The following CLMP variants were observed in gnomAD, a reference collection of about 807,000 sequenced individuals.
The protein encoded by CLMP is CXADR like cell adhesion molecule, also known as CXADR-like membrane protein.
CLMP carries 27 observed loss-of-function variants against 45.2 expected under a neutral mutation model. The observed-to-expected ratio is 0.60, with a 90% CI of 0.44 to 0.82. CLMP has a LOEUF of 0.82. CLMP is among the 40% of genes least tolerant of loss of function. CLMP has a pLI of 0.00. For synonymous variants in CLMP, 167 were observed against 171.4 expected (o/e 0.97, Z 0.20); for missense variants, 403 against 448.4 (o/e 0.90, Z 0.91).
chr11:123,106,416 TGTGTGTGTGCGCGCGC>T (rs1860553549), intron 1 of CLMP, among the ~76,000 whole-genome samples: 3 of 107,552 alleles, frequency 2.8e-5, no homozygotes, highest in African/African-American at 7.1e-5. Flanking sequence ...TGTGTGTGTG[TGTGTGTGTGCGCGCGC>T]GCGCGCGCAC....
intron 1 of CLMP, among the ~76,000 whole-genome samples, chr11:123,189,135 C>G (rs1861873192): frequency 6.6e-6 from 1 of 152,186 alleles, no homozygotes; most frequent in South Asian, 2.1e-4. Context: ...GTCATCCAAA[C>G]ACATTTCTTA....
chr11:123,087,418 A>C (rs889857989), intron 2 of CLMP, among the ~76,000 whole-genome samples: 1 of 152,206 alleles, frequency 6.6e-6, no homozygotes, highest in East Asian at 1.9e-4. Flanking sequence ...CTGAGGCAGC[A>C]GAATCACTTG....
chr11:123,135,259 C>CAAAAAAA (rs529613516), intron 1 of CLMP, among the ~76,000 whole-genome samples: 13 of 89,068 alleles, frequency 1.5e-4, no homozygotes, highest in Non-Finnish European at 1.6e-4. Context: ...GACTCCGTCT[C>CAAAAAAA]AAAAAAAAAA....
At chr11:123,075,588 C>T (rs1865729640) in intron 5 of CLMP, among the ~76,000 whole-genome samples, 1 of 151,402 alleles carries the variant, frequency 6.6e-6, no homozygotes, top group Non-Finnish European at 1.5e-5. Flanking sequence ...GGGGTTTCAC[C>T]GTGTTAGCCA....
intron 1 of CLMP, among the ~76,000 whole-genome samples, chr11:123,146,992 G>A (rs914386504): frequency 6.6e-6 from 1 of 152,042 alleles, no homozygotes; most frequent in African/African-American, 2.4e-5. Flanking sequence ...CTATATATTC[G>A]AGCTCCTGAA....
rs1473510149 is a variant in CLMP at position 123,194,896 on chromosome 11, C to T, written c.28+17G>A. On this transcript the variant is annotated intron_variant, in intron 1 of 6. Transcript: ENST00000448775. ...GCCCACGGCCATCCAAACTCCCGCC[C>T]TCCCAGAGGCACTCACCTAGCAAGA... 11 of 1,613,444 alleles carry T rather than the reference C, an allele frequency of 6.8e-6. No individual in the cohort carries two copies. In the East Asian group the frequency reaches 1.1e-4, roughly 16 times the overall value.
chr11:123,101,016 T>C (rs1168384438), intron 1 of CLMP, among the ~76,000 whole-genome samples: 1 of 152,190 alleles, frequency 6.6e-6, no homozygotes, highest in Admixed American at 6.6e-5. Context: ...AAGGAGTTCC[T>C]GCCTCCCTTA....
intron 1 of CLMP, among the ~76,000 whole-genome samples, chr11:123,182,266 C>A (rs937299746): frequency 6.6e-6 from 1 of 152,230 alleles, no homozygotes; most frequent in Admixed American, 6.5e-5. Context: ...AAGCATCCTG[C>A]GAAGAGCTGG....
At chr11:123,079,610 A>AT (rs1192306758) in intron 5 of CLMP, among the ~76,000 whole-genome samples, 1 of 151,780 alleles carries the variant, frequency 6.6e-6, no homozygotes, top group African/African-American at 2.4e-5. Flanking sequence ...TGCCCAGCTA[A>AT]TTTTTTGTGT....
intron 1 of CLMP, among the ~76,000 whole-genome samples, chr11:123,177,028 G>A (rs1040497220): frequency 6.6e-5 from 10 of 152,162 alleles, no homozygotes; most frequent in African/African-American, 2.4e-4. Flanking sequence ...GAATACGTGT[G>A]AATCATCACA....
intron 1 of CLMP, among the ~76,000 whole-genome samples, chr11:123,128,177 A>G (rs1860927626): frequency 6.6e-6 from 1 of 151,606 alleles, no homozygotes; most frequent in African/African-American, 2.4e-5. Context: ...GTATCATTTC[A>G]GGAGATGAAG....
At chr11:123,102,585 T>C (rs1250477660) in intron 1 of CLMP, among the ~76,000 whole-genome samples, 2 of 150,580 alleles carry the variant, frequency 1.3e-5, no homozygotes, top group East Asian at 2.0e-4. Context: ...AGCCAGGTTT[T>C]TTTTTTTTTT....
intron 1 of CLMP, 35 bp from the exon 2 acceptor site, chr11:123,097,987 G>C: frequency 2.7e-6 from 4 of 1,463,810 alleles, no homozygotes; most frequent in Non-Finnish European, 3.6e-6. Flanking sequence ...GTAATGCAGA[G>C]ACTGGATGGC....
At chr11:123,119,178 G>A (rs899497874) in intron 1 of CLMP, among the ~76,000 whole-genome samples, 47 of 150,494 alleles carry the variant, frequency 3.1e-4, no homozygotes, top group African/African-American at 1.2e-3. Context: ...CCACCTCCCG[G>A]GATCAAGCGA....
intron 1 of CLMP, among the ~76,000 whole-genome samples, chr11:123,187,889 C>G (rs1861854676): frequency 6.6e-6 from 1 of 152,134 alleles, no homozygotes; most frequent in South Asian, 2.1e-4. Flanking sequence ...TCCATCAACC[C>G]ACCAACTGCT....
At position 123,112,448 on chromosome 11, in the gene CLMP, C is replaced by T. The variant is rs192203033; in HGVS notation, c.29-14496G>A. On this transcript the variant is annotated intron_variant, in intron 1 of 6. Transcript: ENST00000448775. ...CGCCTCCAGGGTTGAAGTGATTCTC[C>T]TGCCTCAGCCTCCCAAGTAGCTGGG... is the stretch of plus-strand genomic sequence containing the variant. 8.0e-3 allele frequency among the ~76,000 whole-genome samples: 1,213 copies of T among 151,584 alleles called. 8 individuals are homozygous for T. The highest frequency in any genetic ancestry group is 0.013 in the Non-Finnish European group (882 of 67,928).
At position 123,073,450 on chromosome 11, in the gene CLMP, C is replaced by T. The variant is rs765979424; in HGVS notation, c.*24G>A. 6.3e-6 allele frequency: 10 copies of T among 1,578,770 alleles called. No individual in the cohort carries two copies. The South Asian group carries it at 8.2e-5, about 13-fold the overall frequency. On this transcript the variant is annotated 3_prime_UTR_variant, in exon 7 of 7. Transcript: ENST00000448775. ...CCAAAGACCCTGACTCCTAGGAAAG[C>T]GTGGGAGTCAAGTCCATTGTAATTC...
At chr11:123,188,100 C>T (rs1218801559) in intron 1 of CLMP, among the ~76,000 whole-genome samples, 3 of 152,200 alleles carry the variant, frequency 2.0e-5, no homozygotes, top group South Asian at 2.1e-4. Flanking sequence ...TTCGTGAATA[C>T]GTCTCTCCCA....
rs1860570241 is a variant in CLMP, at chr11:123,107,031, A to AAT, written c.29-9080_29-9079insAT. Among the ~76,000 whole-genome samples, 9 of 142,410 alleles carry AAT rather than the reference A, an allele frequency of 6.3e-5. No homozygotes were observed. The South Asian group carries it at 6.6e-4, about 11-fold the overall frequency. The allele number at this position is 142,410 out of a possible 152,430, so 93.4% of individuals were successfully genotyped here. On this transcript the variant is annotated intron_variant, in intron 1 of 6. Transcript: ENST00000448775. ...GAGACTCCGTCTCAAAAAAAAAAAA[A>AAT]AATAATAATAATAATAATTGTACTT...
Sources: allele counts gnomAD v4.1 joint callset (sites outside exome capture counted in the v4.1 genomes callset), GRCh38; gene constraint gnomAD v4.1.1; transcripts MANE v1.5; gene names NCBI Gene and HGNC (gene_info 2026-07-23, HGNC 2026-07-21).